Variants in CXADR observed in about 807,000 individuals in gnomAD.
CXADR encodes CXADR cell adhesion molecule.
CXADR carries 20 observed loss-of-function variants against 40.3 expected under a neutral mutation model. That is an observed-to-expected ratio of 0.50 (90% CI 0.35 to 0.72). The LOEUF is 0.72. Ranked by LOEUF, CXADR falls within the 30% of genes least tolerant of loss-of-function variation. The pLI is 0.01. For synonymous variants in CXADR, 150 were observed against 161.3 expected (o/e 0.93, Z 0.53); for missense variants, 332 against 449.1 (o/e 0.74, Z 2.36).
the CXADR span, among the ~76,000 whole-genome samples, chr21:17,630,549 G>C: frequency 6.6e-6 from 1 of 151,316 alleles, no homozygotes; most frequent in African/African-American, 2.4e-5. Flanking sequence ...AAATATTTCT[G>C]TATACTGTTG....
intron 7 of CXADR, among the ~76,000 whole-genome samples, chr21:17,590,902 CAAT>C (rs2123406034): frequency 6.6e-6 from 1 of 152,102 alleles, no homozygotes; most frequent in Non-Finnish European, 1.5e-5. Flanking sequence ...CTATTTCCAG[CAAT>C]AAAATTACTA....
chr21:17,582,344 C>A (rs945932178), intron 7 of CXADR, among the ~76,000 whole-genome samples: 1 of 152,094 alleles, frequency 6.6e-6, no homozygotes, highest in East Asian at 1.9e-4. Flanking sequence ...AATATTAGTT[C>A]TTTGTGATTT....
At chr21:17,590,656 A>T (rs893390044) in intron 7 of CXADR, among the ~76,000 whole-genome samples, 1 of 152,070 alleles carries the variant, frequency 6.6e-6, no homozygotes, top group Non-Finnish European at 1.5e-5. Context: ...TGCTTCATCC[A>T]TTGCAATAGA....
chr21:17,522,196 T>C (rs1165089948), intron 1 of CXADR, among the ~76,000 whole-genome samples: 1 of 151,878 alleles, frequency 6.6e-6, no homozygotes, highest in Non-Finnish European at 1.5e-5. Context: ...TTGCCCAGGC[T>C]AGAGTGCAAT....
At chr21:17,593,198 G>A in exon 8 of CXADR, 1 of 1,450,620 alleles carries the variant, frequency 6.9e-7, no homozygotes, top group Non-Finnish European at 9.1e-7. Flanking sequence ...GTATAAATAT[G>A]GACTACTGAA....
chr21:17,604,059 A>G, the CXADR span: 1 of 1,141,286 alleles, frequency 8.8e-7, no homozygotes, highest in Non-Finnish European at 1.1e-6. Flanking sequence ...CCTAGCACTG[A>G]TCTTTCACAA....
At chr21:17,594,608 C>CGAAT (rs1569170090), downstream of CXADR, among the ~76,000 whole-genome samples, 1 of 151,976 alleles carries the variant, frequency 6.6e-6, no homozygotes, top group Non-Finnish European at 1.5e-5. Flanking sequence ...AAACATGGAA[C>CGAAT]GAATGGAAGC....
downstream of CXADR, among the ~76,000 whole-genome samples, chr21:17,594,808 A>G (rs774362849): frequency 3.9e-5 from 6 of 151,984 alleles, no homozygotes. Flanking sequence ...ACTTATGAAC[A>G]CAAAGAAGGA....
intron 2 of CXADR, among the ~76,000 whole-genome samples, chr21:17,551,101 G>A (rs1023960716): frequency 1.3e-5 from 2 of 151,992 alleles, no homozygotes; most frequent in African/African-American, 2.4e-5. Flanking sequence ...GAAAAATAGA[G>A]TATATAAGAA....
intron 1 of CXADR, among the ~76,000 whole-genome samples, chr21:17,545,490 G>A (rs1254795440): frequency 2.6e-5 from 4 of 151,826 alleles, no homozygotes; most frequent in South Asian, 2.1e-4. Context: ...GCAGTGGCAC[G>A]ATCTTGGCTC....
chr21:17,600,095 A>G, the CXADR span, among the ~76,000 whole-genome samples: 1 of 151,978 alleles, frequency 6.6e-6, no homozygotes, highest in African/African-American at 2.4e-5. Flanking sequence ...AAGATTTTTG[A>G]TTTTTTTTAA....
intron 1 of CXADR, among the ~76,000 whole-genome samples, chr21:17,515,283 A>G (rs7279313): frequency 0.24 from 37,202 of 151,864 alleles, 4,863 homozygotes; most frequent in Middle Eastern, 0.39. Flanking sequence ...ATACAACAAA[A>G]TAAAACCCAA....
At chr21:17,625,564 T>C in the CXADR span, among the ~76,000 whole-genome samples, 1 of 152,238 alleles carries the variant, frequency 6.6e-6, no homozygotes, top group South Asian at 2.1e-4. Context: ...TTGGTATACC[T>C]AAACTAGCTC....
intron 1 of CXADR, among the ~76,000 whole-genome samples, chr21:17,529,975 G>C (rs2060650127): frequency 6.6e-6 from 1 of 150,414 alleles, no homozygotes. Context: ...TTGAGATGGA[G>C]TCTCGCTCTG....
chr21:17,598,453 C>CTATTTACGTGCCA (rs2061531460), downstream of CXADR, among the ~76,000 whole-genome samples: 1 of 152,134 alleles, frequency 6.6e-6, no homozygotes, highest in Non-Finnish European at 1.5e-5. Flanking sequence ...CTCAGGATGC[C>CTATTTACGTGCCA]TATTTACGTG....
chr21:17,625,661 G>C, the CXADR span, among the ~76,000 whole-genome samples: 1 of 152,176 alleles, frequency 6.6e-6, no homozygotes, highest in Non-Finnish European at 1.5e-5. Context: ...GATCAAGTCT[G>C]TAGTTTTCAA....
chr21:17,629,090 A>C, the CXADR span, among the ~76,000 whole-genome samples: 1 of 152,130 alleles, frequency 6.6e-6, no homozygotes, highest in East Asian at 1.9e-4. Flanking sequence ...AGGAGCTTAC[A>C]ACTTACTGGG....
chr21:17,633,439 G>C, the CXADR span, among the ~76,000 whole-genome samples: 1 of 152,122 alleles, frequency 6.6e-6, no homozygotes, highest in Non-Finnish European at 1.5e-5. Flanking sequence ...CACATCTGTA[G>C]TCCCAGCTAC....
At chr21:17,513,349 C>A (rs1196808390) in intron 1 of CXADR, among the ~76,000 whole-genome samples, 177 bp downstream of exon 1, 4 of 151,270 alleles carry the variant, frequency 2.6e-5, no homozygotes, top group Non-Finnish European at 5.9e-5. Context: ...CCGGGCGCTC[C>A]TGGAGCCGTC....
Sources: gnomAD v4.1 joint callset for allele counts (sites outside exome capture counted in the v4.1 genomes callset) on GRCh38, gnomAD v4.1.1 for gene constraint, MANE v1.5 for transcripts, NCBI Gene and HGNC (gene_info 2026-07-23, HGNC 2026-07-21) for gene names.